The following DISC1 variants were observed in gnomAD, a reference collection of about 807,000 sequenced individuals.
The protein encoded by DISC1 is DISC1 scaffold protein, also known as disrupted in schizophrenia 1 protein.
DISC1 carries 57 observed loss-of-function variants against 84.5 expected under a neutral mutation model. The observed-to-expected ratio is 0.67, with a 90% CI of 0.55 to 0.84. The LOEUF is 0.84. Among genes scored for constraint, DISC1 ranks in the 40% least tolerant of loss-of-function variants. DISC1 has a pLI of 0.00. For synonymous variants in DISC1, 411 were observed against 415.2 expected, an observed-to-expected ratio of 0.99 and a Z score of 0.12; for missense variants, 1,000 against 1,057.8, an observed-to-expected ratio of 0.95 and a Z score of 0.76.
intron 10 of DISC1, among the ~76,000 whole-genome samples, chr1:231,989,419 G>A (rs61835567): frequency 1.3e-5 from 2 of 152,274 alleles, no homozygotes; most frequent in Middle Eastern, 3.4e-3. Flanking sequence ...ACTTACTGGC[G>A]GATTTGCTTA....
chr1:231,914,304 G>T (rs2089463561), intron 9 of DISC1, among the ~76,000 whole-genome samples: 1 of 152,218 alleles, frequency 6.6e-6, no homozygotes, highest in South Asian at 2.1e-4. Context: ...ATACTGTTGT[G>T]TCCCCTGGAA....
intron 9 of DISC1, among the ~76,000 whole-genome samples, chr1:231,841,332 A>G (rs560715263): frequency 2.0e-5 from 3 of 152,372 alleles, no homozygotes; most frequent in South Asian, 2.1e-4. Context: ...CCAAACCTAC[A>G]TACCTTCCAG....
chr1:231,922,284 C>T lies in DISC1; in HGVS notation c.1982-36544C>T, dbSNP rs180677519. 3.9e-5 allele frequency among the ~76,000 whole-genome samples: 6 copies of T among 152,302 alleles called. 1 individual carries two copies. The highest frequency in any genetic ancestry group is 2.6e-4 in the Admixed American group (4 of 15,300). ...CAGACATGCACCTTGTCTTAGATGTCGAGCTGCAGAGCAGTTTTCATGGCA... is the reference window on the plus strand; with the variant it reads ...CAGACATGCACCTTGTCTTAGATGTTGAGCTGCAGAGCAGTTTTCATGGCA... On this transcript the variant is annotated intron_variant, in intron 9 of 12. Transcript: ENST00000439617.
chr1:231,790,709 G>A (rs1206968079), intron 6 of DISC1, among the ~76,000 whole-genome samples: 1 of 151,958 alleles, frequency 6.6e-6, no homozygotes, highest in Middle Eastern at 3.4e-3. Flanking sequence ...TAGTAGAGAC[G>A]GGGTTTCACC....
rs1202258438 is a variant in DISC1 at position 231,974,545 on chromosome 1, T to C, written c.2042+15657T>C. 3.3e-5 allele frequency among the ~76,000 whole-genome samples: 5 copies of C among 152,334 alleles called. 1 individual carries two copies. The highest frequency in any genetic ancestry group is 1.2e-4 in the African/African-American group (5 of 41,576). On this transcript the variant is annotated intron_variant, in intron 10 of 12. Coordinates refer to ENST00000439617, the MANE Select transcript of DISC1 (RefSeq NM_018662.3). The stretch of plus-strand genomic sequence containing the variant: ...TTTTAAGAGAGAAAGTTGGTTTATC[T>C]GCACTTTAGTGGATGCTTCCGTTTG...
intron 1 of DISC1, among the ~76,000 whole-genome samples, chr1:231,656,835 T>C (rs937297809): frequency 6.6e-6 from 1 of 152,218 alleles, no homozygotes; most frequent in Non-Finnish European, 1.5e-5. Context: ...TATGTGTCCA[T>C]GTATTTTCAT....
intron 11 of DISC1, among the ~76,000 whole-genome samples, chr1:232,010,288 G>C (rs1340213853): frequency 1.3e-5 from 2 of 152,222 alleles, no homozygotes; most frequent in Non-Finnish European, 2.9e-5. Flanking sequence ...CCTGCTGCAA[G>C]TGGATGGCTT....
chr1:231,651,458 C>T lies in DISC1; in HGVS notation c.67+24524C>T, dbSNP rs185289786. On this transcript the variant is annotated intron_variant, in intron 1 of 12. Transcript: ENST00000439617. ...TGCTGCCTGATCCTTCCTCTGGAGGCGTTGTCCCAGAGAGGTGCCCGCCTG... is the reference window on the plus strand; with the variant it reads ...TGCTGCCTGATCCTTCCTCTGGAGGTGTTGTCCCAGAGAGGTGCCCGCCTG... Among the ~76,000 whole-genome samples, 148 of 152,268 alleles carry T rather than the reference C, an allele frequency of 9.7e-4. 1 individual carries two copies. The highest frequency in any genetic ancestry group is 3.2e-3 in the African/African-American group (133 of 41,548).
At chr1:231,789,078 A>G (rs1486127195) in intron 6 of DISC1, among the ~76,000 whole-genome samples, 1 of 152,244 alleles carries the variant, frequency 6.6e-6, no homozygotes, top group East Asian at 1.9e-4. Context: ...TTAGTAAGTT[A>G]CATGTAGGTT....
intron 3 of DISC1, among the ~76,000 whole-genome samples, chr1:231,711,830 A>C (rs1234912527): frequency 6.6e-6 from 1 of 152,128 alleles, no homozygotes; most frequent in Non-Finnish European, 1.5e-5. Flanking sequence ...CTCTTGTTTT[A>C]GTTATTTATT....
intron 1 of DISC1, among the ~76,000 whole-genome samples, chr1:231,662,747 A>G (rs1195493529): frequency 1.3e-5 from 2 of 152,208 alleles, no homozygotes; most frequent in Admixed American, 6.5e-5. Flanking sequence ...GATTGTTATA[A>G]CTATAGGATA....
At chr1:231,998,467 C>T (rs1362126677) in intron 10 of DISC1, among the ~76,000 whole-genome samples, 1 of 152,208 alleles carries the variant, frequency 6.6e-6, no homozygotes, top group Non-Finnish European at 1.5e-5. Context: ...GTTGTAATAA[C>T]ATTTATGTAA....
chr1:231,871,660 C>T (rs1047504844), intron 9 of DISC1, among the ~76,000 whole-genome samples: 17 of 152,152 alleles, frequency 1.1e-4, no homozygotes, highest in Non-Finnish European at 1.9e-4. Flanking sequence ...GAAGTCAGGC[C>T]ACCCTAAATC....
At chr1:231,880,004 C>T (rs1285129158) in intron 9 of DISC1, among the ~76,000 whole-genome samples, 2 of 152,144 alleles carry the variant, frequency 1.3e-5, no homozygotes, top group Non-Finnish European at 2.9e-5. Context: ...TTCCAAAACT[C>T]ATGTTGAAAT....
chr1:231,853,670 G>A (rs1558653288), intron 9 of DISC1, among the ~76,000 whole-genome samples: 2 of 152,152 alleles, frequency 1.3e-5, no homozygotes, highest in South Asian at 2.1e-4. Context: ...GGGCTGACTG[G>A]TGAGGAAGGT....
intron 9 of DISC1, among the ~76,000 whole-genome samples, chr1:231,947,850 TA>T (rs142254711): frequency 0.15 from 22,532 of 152,106 alleles, 2,011 homozygotes; most frequent in Non-Finnish European, 0.21. Context: ...AACAGACGTA[TA>T]AAAAAATGCT....
In DISC1 at chr1:232,008,930, C is replaced by T. The variant is rs1437530841; in HGVS notation, c.2188C>T (p.Pro730Ser). 6.2e-7 allele frequency: 1 copy of T among 1,613,464 alleles called. No homozygotes were observed. Among genetic ancestry groups the T allele is most frequent in the Non-Finnish European group, 8.5e-7 (1 of 1,179,680 alleles). The change falls in exon 11 of 13, where the codon CCT becomes TCT. Residue 730 changes from proline (P) to serine (S), a missense_variant. Transcript: ENST00000439617. The part of the protein sequence containing the change: ...RQMDDLEGAA[P>S]PIPPRLHSED... ...GATGGATGACTTAGAGGGAGCTGCT[C>T]CTCCTATTCCCCCCAGGCTCCACTC...
intron 9 of DISC1, among the ~76,000 whole-genome samples, chr1:231,857,793 C>T (rs1196499687): frequency 2.0e-5 from 3 of 152,192 alleles, no homozygotes; most frequent in Non-Finnish European, 2.9e-5. Context: ...AGAATGTGGA[C>T]CGGCTACCCG....
At chr1:231,803,944 C>A (rs1281101099) in intron 8 of DISC1, among the ~76,000 whole-genome samples, 3 of 72,884 alleles carry the variant, frequency 4.1e-5, no homozygotes, top group East Asian at 9.1e-4. Context: ...AAGACTCCGT[C>A]TCAAAAAAAA....
Sources: allele counts gnomAD v4.1 joint callset (sites outside exome capture counted in the v4.1 genomes callset), GRCh38; gene constraint gnomAD v4.1.1; transcripts MANE v1.5; gene names NCBI Gene and HGNC (gene_info 2026-07-23, HGNC 2026-07-21).